KANK4: variants seen among roughly 807,000 people sequenced by gnomAD.
The protein encoded by KANK4 is KN motif and ankyrin repeat domain-containing protein 4.
In KANK4, 50 loss-of-function variants were observed where a neutral mutation model predicts 80.8. The observed-to-expected ratio is 0.62, with a 90% CI of 0.49 to 0.78. The LOEUF (loss-of-function observed/expected upper bound fraction) is 0.78. Among genes scored for constraint, KANK4 ranks in the 30% least tolerant of loss-of-function variants. The pLI, the probability that KANK4 is intolerant of heterozygous loss-of-function variation, is 0.00. For missense variants in KANK4, 1,196 were observed against 1,240.1 expected, an observed-to-expected ratio of 0.96 and a Z score of 0.53; for synonymous variants, 465 against 506.9, an observed-to-expected ratio of 0.92 and a Z score of 1.11.
chr1:62,305,370 G>A (rs1343231189), intron 1 of KANK4, among the ~76,000 whole-genome samples: 2 of 152,060 alleles, frequency 1.3e-5, no homozygotes, highest in South Asian at 2.1e-4. Flanking sequence ...GTGAAATGGC[G>A]TGATCTCGGC....
At chr1:62,283,142 G>A (rs893411555) in intron 1 of KANK4, among the ~76,000 whole-genome samples, 1 of 152,184 alleles carries the variant, frequency 6.6e-6, no homozygotes, top group Non-Finnish European at 1.5e-5. Context: ...GCATGCAGGA[G>A]GCAGTGGCAG....
At chr1:62,284,087 G>A (rs138979897) in intron 1 of KANK4, among the ~76,000 whole-genome samples, 4 of 152,070 alleles carry the variant, frequency 2.6e-5, no homozygotes, top group Non-Finnish European at 5.9e-5. Flanking sequence ...GGGATCTGTC[G>A]TGTGCACAAG....
At chr1:62,238,461 G>A (rs1557462025) in intron 9 of KANK4, 80 bp from the exon 10 acceptor site, 1 of 1,238,040 alleles carries the variant, frequency 8.1e-7, no homozygotes, top group East Asian at 2.3e-5. Flanking sequence ...GTTGGGAGTA[G>A]AGGGTATGCC....
chr1:62,272,075 T>A (rs1332347110), intron 3 of KANK4: 1 of 155,432 alleles, frequency 6.4e-6, no homozygotes, highest in African/African-American at 2.4e-5. Flanking sequence ...GATCTTGCAA[T>A]GTGCTCAACA....
At chr1:62,249,000 TAAAA>T (rs374742301) in intron 8 of KANK4, among the ~76,000 whole-genome samples, 5 of 137,594 alleles carry the variant, frequency 3.6e-5, no homozygotes, top group Admixed American at 1.4e-4. Flanking sequence ...CTGTCTCTAC[TAAAA>T]AAAAAAAAAA....
chr1:62,241,689 A>T (rs1671345454), intron 9 of KANK4, among the ~76,000 whole-genome samples: 1 of 152,198 alleles, frequency 6.6e-6, no homozygotes, highest in South Asian at 2.1e-4. Context: ...CTTACATTGG[A>T]AAGTACTGGA....
intron 7 of KANK4, among the ~76,000 whole-genome samples, chr1:62,255,354 T>TG (rs1415774340): frequency 1.3e-5 from 2 of 152,142 alleles, no homozygotes; most frequent in Admixed American, 6.5e-5. Flanking sequence ...TCAAGGGTGA[T>TG]GGGAAAATCA....
rs755030246 is a variant in KANK4 at position 62,274,825 on chromosome 1, G to A, written c.279C>T (p.Pro93=). 1.1e-5 allele frequency: 18 copies of A among 1,614,012 alleles called. No homozygotes were observed. The highest frequency in any genetic ancestry group is 3.3e-5 in the Admixed American group (2 of 60,004). ...CAAGTGATGCCTCCCTTGGCACCAC[G>A]GGAGACCAGTTTTGGAGGGGCGGGG... ...PAAPPLQNWS[P]VVPREASLGT... is the part of the protein sequence containing the mutation. The change falls in exon 3 of 10, where the codon CCC becomes CCT. Residue 93 remains proline (P), a synonymous_variant. Transcript: ENST00000371153.
Position 62,266,785 on chromosome 1 carries a change from G to A in KANK4, c.2266C>T (p.Arg756Trp), listed in dbSNP as rs144855300. 253 of 1,612,170 alleles carry A rather than the reference G, an allele frequency of 1.6e-4. No homozygotes were observed. The highest frequency in any genetic ancestry group is 8.2e-4 in the Middle Eastern group (5 of 6,062). Residue 756 changes from arginine (R) to tryptophan (W), a missense_variant, in exon 6 of 10, where the codon CGG (arginine) becomes TGG (tryptophan). Transcript: ENST00000371153. Reference sequence around the variant, plus strand: ...TCTGGCAGATGCTGGCTCAGTGCCCGGCATGCATTAAGAAATTCTTCTGAG... The same window carrying A: ...TCTGGCAGATGCTGGCTCAGTGCCCAGCATGCATTAAGAAATTCTTCTGAG... ...KPSEEFLNAC[R>W]ALSQHLPETG...
In KANK4 at chr1:62,274,264, G is replaced by A. The variant is rs780813667; in HGVS notation, c.840C>T (p.Gly280=). 6.2e-7 allele frequency: 1 copy of A among 1,614,034 alleles called. No individual in the cohort carries two copies. Among genetic ancestry groups the A allele is most frequent in the East Asian group, 2.2e-5 (1 of 44,866 alleles). Residue 280 remains glycine (G), a synonymous_variant, in exon 3 of 10, where the codon GGC becomes GGT. Transcript: ENST00000371153. Reference sequence around the variant, plus strand: ...GAGGTGGCGGGCTTGGCGTAGGGGAGCCAGGGGTGAACAACACCTCTGCTT... The same window carrying A: ...GAGGTGGCGGGCTTGGCGTAGGGGAACCAGGGGTGAACAACACCTCTGCTT... The part of the protein sequence containing the change: ...AREAEVLFTP[G]SPTPSPPPLP...
intron 7 of KANK4, among the ~76,000 whole-genome samples, chr1:62,261,748 C>A: frequency 6.6e-6 from 1 of 152,196 alleles, no homozygotes; most frequent in East Asian, 1.9e-4. Context: ...ACCCTTCCAA[C>A]CTTAATTCCC....
intron 9 of KANK4, among the ~76,000 whole-genome samples, chr1:62,245,382 G>A (rs965085066): frequency 7.9e-5 from 12 of 152,184 alleles, no homozygotes; most frequent in African/African-American, 2.9e-4. Flanking sequence ...ATGAGTGCCT[G>A]CTGTCTGGGT....
chr1:62,293,022 A>C (rs1409452802), intron 1 of KANK4, among the ~76,000 whole-genome samples: 2 of 151,834 alleles, frequency 1.3e-5, no homozygotes, highest in African/African-American at 4.8e-5. Flanking sequence ...ATCTCTTAAT[A>C]GGGCCCTAGA....
intron 4 of KANK4, among the ~76,000 whole-genome samples, chr1:62,269,997 T>G (rs1024845698): frequency 6.6e-6 from 1 of 152,190 alleles, no homozygotes; most frequent in Non-Finnish European, 1.5e-5. Flanking sequence ...GTTTCCAGCG[T>G]GCAACCAAGG....
rs557908664 is a variant in KANK4 at position 62,283,766 on chromosome 1, C to A, written c.-70-2132G>T. Among the ~76,000 whole-genome samples the A allele has an allele frequency of 7.2e-5, 11 of 152,296 alleles. No homozygotes were observed. The South Asian group carries it at 2.3e-3, about 32-fold the overall frequency. On this transcript the variant is annotated intron_variant, in intron 1 of 9. Transcript: ENST00000371153. Reference sequence around the variant, plus strand: ...GACTTTTGGCTTCACAAACTCTCATCATCAGCCTAGGGACTTTTCAATCAC... The same window carrying A: ...GACTTTTGGCTTCACAAACTCTCATAATCAGCCTAGGGACTTTTCAATCAC...
rs986591239 is a variant in KANK4 at position 62,289,609 on chromosome 1, C to T, written c.-70-7975G>A. 2.6e-5 allele frequency among the ~76,000 whole-genome samples: 4 copies of T among 152,204 alleles called. No individual in the cohort carries two copies. In the South Asian group the frequency reaches 8.3e-4, roughly 32 times the overall value. ...GCATAGGGGAATTCAAAATCAAATA[C>T]AGCAAAATACAATGGTGAAGACAGA... On this transcript the variant is annotated intron_variant, in intron 1 of 9. Coordinates refer to ENST00000371153, the MANE Select transcript of KANK4 (RefSeq NM_181712.5).
intron 8 of KANK4, 71 bp downstream of exon 8, chr1:62,252,996 C>A: frequency 6.5e-7 from 1 of 1,543,836 alleles, no homozygotes; most frequent in African/African-American, 1.4e-5. Context: ...GAATTTCTCA[C>A]CCCACTAGCA....
chr1:62,308,161 G>C (rs1407553489), intron 1 of KANK4, among the ~76,000 whole-genome samples: 1 of 152,154 alleles, frequency 6.6e-6, no homozygotes, highest in Non-Finnish European at 1.5e-5. Context: ...TAGCGCCCTA[G>C]GGAAAAGTGT....
At chr1:62,238,669 G>A (rs1178176084) in intron 9 of KANK4, among the ~76,000 whole-genome samples, 7 of 142,928 alleles carry the variant, frequency 4.9e-5, no homozygotes, top group African/African-American at 1.5e-4. Context: ...TCACTCTATC[G>A]CCCAGGGTGG....
Sources: gnomAD v4.1 joint callset for allele counts (sites outside exome capture counted in the v4.1 genomes callset) on GRCh38, gnomAD v4.1.1 for gene constraint, MANE v1.5 for transcripts, NCBI Gene and HGNC (gene_info 2026-07-23, HGNC 2026-07-21) for gene names.